SLC25A13: variants seen among roughly 807,000 people sequenced by gnomAD.
SLC25A13 encodes solute carrier family 25 member 13.
SLC25A13 carries 70 observed loss-of-function variants against 85.5 expected under a neutral mutation model. That is an observed-to-expected ratio of 0.82 (90% confidence interval 0.68 to 1.00). The LOEUF (loss-of-function observed/expected upper bound fraction) is 1.00. Ranked by LOEUF, SLC25A13 falls within the 50% of genes least tolerant of loss-of-function variation. The pLI is 0.00. For synonymous variants in SLC25A13, 259 were observed against 288.7 expected (o/e 0.90, Z 1.04); for missense variants, 765 against 819.8 (o/e 0.93, Z 0.82).
chr7:96,166,249 A>G (rs1793736880), intron 13 of SLC25A13, among the ~76,000 whole-genome samples: 1 of 152,212 alleles, frequency 6.6e-6, no homozygotes, highest in Non-Finnish European at 1.5e-5. Context: ...GTGCATCACA[A>G]TGAAAAAATA....
chr7:96,124,693 C>A (rs1198971605), intron 15 of SLC25A13, among the ~76,000 whole-genome samples: 1 of 152,138 alleles, frequency 6.6e-6, no homozygotes, highest in Non-Finnish European at 1.5e-5. Flanking sequence ...TTTCAAAACT[C>A]ATCTTAAAGT....
intron 2 of SLC25A13, among the ~76,000 whole-genome samples, chr7:96,278,983 G>A (rs1798564302): frequency 6.6e-6 from 1 of 152,128 alleles, no homozygotes; most frequent in Admixed American, 6.5e-5. Flanking sequence ...CCTACCAGTA[G>A]ACATTTCCAG....
intron 14 of SLC25A13, among the ~76,000 whole-genome samples, chr7:96,146,143 T>C (rs1792777089): frequency 6.6e-6 from 1 of 152,206 alleles, no homozygotes; most frequent in South Asian, 2.1e-4. Flanking sequence ...AGATTTATAA[T>C]AATTAAGACA....
intron 1 of SLC25A13, among the ~76,000 whole-genome samples, chr7:96,313,689 T>G (rs1354824837): frequency 2.6e-5 from 4 of 152,176 alleles, no homozygotes; most frequent in African/African-American, 9.7e-5. Flanking sequence ...TGGGGTCAAC[T>G]GTACCCCAAG....
chr7:96,173,423 T>C (rs1410914979), intron 11 of SLC25A13, among the ~76,000 whole-genome samples: 1 of 152,204 alleles, frequency 6.6e-6, no homozygotes, highest in Non-Finnish European at 1.5e-5. Context: ...TTAGCCATCT[T>C]ACTCAAAAAA....
In SLC25A13 at chr7:96,148,911, G is replaced by A. The variant is rs1792911261; in HGVS notation, c.1312-2215C>T. Among the ~76,000 whole-genome samples, 3 of 152,304 alleles carry A rather than the reference G, an allele frequency of 2.0e-5. No individual in the cohort carries two copies. In the South Asian group the frequency reaches 6.2e-4, roughly 32 times the overall value. ...ATAAAAAGAGATGGAGAATGTACAG[G>A]AGCCAGCACAGTGCTCAAGACAGAG... On this transcript the variant is annotated intron_variant, in intron 13 of 17. Coordinates refer to ENST00000265631, the MANE Select transcript of SLC25A13 (RefSeq NM_014251.3).
chr7:96,204,257 A>G (rs1485935601), intron 5 of SLC25A13, among the ~76,000 whole-genome samples: 2 of 152,206 alleles, frequency 1.3e-5, no homozygotes, highest in Non-Finnish European at 2.9e-5. Context: ...CATTATACAG[A>G]TATTAGTTAT....
intron 1 of SLC25A13, among the ~76,000 whole-genome samples, chr7:96,311,528 A>C (rs1017661530): frequency 3.3e-5 from 5 of 152,220 alleles, no homozygotes; most frequent in Non-Finnish European, 1.5e-5. Flanking sequence ...AACTGCAAGG[A>C]AACAACCAAA....
chr7:96,138,844 G>A (rs1040623950), intron 14 of SLC25A13, among the ~76,000 whole-genome samples: 1 of 152,070 alleles, frequency 6.6e-6, no homozygotes, highest in African/African-American at 2.4e-5. Flanking sequence ...GGTGTCTTTA[G>A]CACACTCAAT....
chr7:96,282,984 T>A (rs1199231089), intron 2 of SLC25A13, among the ~76,000 whole-genome samples: 1 of 152,208 alleles, frequency 6.6e-6, no homozygotes, highest in East Asian at 1.9e-4. Context: ...TGATATAATG[T>A]AGGAAATGAA....
chr7:96,208,430 T>C (rs185494902), intron 5 of SLC25A13, among the ~76,000 whole-genome samples: 1 of 152,118 alleles, frequency 6.6e-6, no homozygotes, highest in Non-Finnish European at 1.5e-5. Flanking sequence ...ATGTAGTAAG[T>C]AAATCACAGT....
chr7:96,138,195 C>A (rs1193752279), intron 14 of SLC25A13, among the ~76,000 whole-genome samples: 1 of 152,150 alleles, frequency 6.6e-6, no homozygotes, highest in Non-Finnish European at 1.5e-5. Flanking sequence ...CCCCATTCAA[C>A]TGTCTTCTGG....
chr7:96,186,893 T>C (rs1454200037), intron 9 of SLC25A13, among the ~76,000 whole-genome samples: 1 of 152,208 alleles, frequency 6.6e-6, no homozygotes, highest in Non-Finnish European at 1.5e-5. Context: ...GCATATAAAA[T>C]TAATACTAAT....
At chr7:96,201,599 C>T (rs1795259617) in intron 5 of SLC25A13, among the ~76,000 whole-genome samples, 1 of 151,952 alleles carries the variant, frequency 6.6e-6, no homozygotes, top group Non-Finnish European at 1.5e-5. Context: ...GCAAATGGCT[C>T]AGATTACTCA....
intron 1 of SLC25A13, chr7:96,306,967 G>C (rs1799766851): frequency 2.3e-6 from 2 of 851,180 alleles, no homozygotes; most frequent in South Asian, 2.8e-5. Flanking sequence ...GTGACCACAG[G>C]TCCCAGCACC....
At chr7:96,182,910 A>T (rs956762647) in intron 11 of SLC25A13, among the ~76,000 whole-genome samples, 1 of 152,156 alleles carries the variant, frequency 6.6e-6, no homozygotes, top group Admixed American at 6.5e-5. Context: ...CAGACTTGAG[A>T]CTCGAGATTT....
intron 2 of SLC25A13, among the ~76,000 whole-genome samples, chr7:96,291,216 G>C (rs1799105989): frequency 6.6e-6 from 1 of 152,250 alleles, no homozygotes; most frequent in East Asian, 1.9e-4. Context: ...AAATAAAGAC[G>C]TTCTTTGAAA....
rs1415071995 is a variant in SLC25A13 at position 96,208,950 on chromosome 7, G to A, written c.356C>T (p.Thr119Ile). The stretch of plus-strand genomic sequence containing the variant: ...AAATGGAATATGTTGATGAATTGTG[G>A]TCTGTCCAAAAACTTGCTTAACATC... ...FEDVKQVFGQ[T>I]TIHQHIPFNW... is the part of the protein sequence containing the mutation. The change falls in exon 5 of 18, where the codon ACC becomes ATC. Residue 119 changes from threonine (T) to isoleucine (I), a missense_variant. Transcript: ENST00000265631. 4 of 1,613,930 alleles carry A rather than the reference G, an allele frequency of 2.5e-6. No individual in the cohort carries two copies. The highest frequency in any genetic ancestry group is 1.6e-4 in the Middle Eastern group (1 of 6,082).
chr7:96,302,800 A>G (rs1460406353), intron 1 of SLC25A13, among the ~76,000 whole-genome samples: 1 of 152,206 alleles, frequency 6.6e-6, no homozygotes, highest in African/African-American at 2.4e-5. Flanking sequence ...GAACTTTTAA[A>G]AATACAAATT....
Sources: gnomAD v4.1 joint callset for allele counts (sites outside exome capture counted in the v4.1 genomes callset) on GRCh38, gnomAD v4.1.1 for gene constraint, MANE v1.5 for transcripts, NCBI Gene and HGNC (gene_info 2026-07-23, HGNC 2026-07-21) for gene names.